HPCAL1: variants seen among roughly 807,000 people sequenced by gnomAD.
HPCAL1 encodes hippocalcin like 1.
HPCAL1 carries 8 observed loss-of-function variants against 17.1 expected under a neutral mutation model. The observed-to-expected ratio is 0.47, with a 90% CI of 0.27 to 0.84. The LOEUF (loss-of-function observed/expected upper bound fraction) is 0.84. Among genes scored for constraint, HPCAL1 ranks in the 40% least tolerant of loss-of-function variants. The pLI, the probability that HPCAL1 is intolerant of heterozygous loss-of-function variation, is 0.13. For synonymous variants in HPCAL1, 112 were observed against 111.4 expected (o/e 1.01, Z -0.03); for missense variants, 165 against 271.1 (o/e 0.61, Z 2.75).
intron 1 of HPCAL1, among the ~76,000 whole-genome samples, chr2:10,306,121 G>C (rs13414886): frequency 1.4e-4 from 22 of 152,106 alleles, no homozygotes; most frequent in Non-Finnish European, 5.9e-5. Context: ...CGGGGGCCCC[G>C]GAGTTTATTT....
chr2:10,321,031 G>A (rs1285101687), intron 1 of HPCAL1, among the ~76,000 whole-genome samples: 6 of 151,894 alleles, frequency 4.0e-5, no homozygotes, highest in Non-Finnish European at 7.4e-5. Flanking sequence ...CCTGAGACAC[G>A]GTCATTAATA....
chr2:10,374,670 G>A (rs1667432929), intron 1 of HPCAL1, among the ~76,000 whole-genome samples: 1 of 152,250 alleles, frequency 6.6e-6, no homozygotes, highest in Non-Finnish European at 1.5e-5. Flanking sequence ...TTCTGAGAAG[G>A]CTTCTTGGAA....
rs117364043 is a variant in HPCAL1 at position 10,410,547 on chromosome 2, T to C, written c.-24-9187T>C. 5.4e-5 allele frequency among the ~76,000 whole-genome samples: 8 copies of C among 149,246 alleles called. No individual in the cohort carries two copies. In the East Asian group the frequency reaches 1.6e-3, roughly 30 times the overall value. Reference sequence around the variant, plus strand: ...TGACTCATTAACTCCCTCTCCCATGTTTCCATCACCGTGAATTACAACGTC... The same window carrying C: ...TGACTCATTAACTCCCTCTCCCATGCTTCCATCACCGTGAATTACAACGTC... On this transcript the variant is annotated intron_variant, in intron 2 of 4. Coordinates refer to ENST00000307845, the MANE Select transcript of HPCAL1 (RefSeq NM_002149.4).
At chr2:10,322,718 G>C (rs1663741845) in intron 1 of HPCAL1, among the ~76,000 whole-genome samples, 1 of 152,244 alleles carries the variant, frequency 6.6e-6, no homozygotes, top group South Asian at 2.1e-4. Flanking sequence ...AAATCCATGT[G>C]CTAAAGACAG....
At chr2:10,368,638 T>C (rs6753925) in intron 1 of HPCAL1, 98,529 of 152,104 alleles carry the variant, frequency 0.65, 33,166 homozygotes, top group East Asian at 0.82. Flanking sequence ...GCTGTTGCTG[T>C]TGCCTCCCTC....
At position 10,417,460 on chromosome 2, in the gene HPCAL1, G is replaced by A. The variant is rs142731626; in HGVS notation, c.-24-2274G>A. On this transcript the variant is annotated intron_variant, in intron 2 of 4. Transcript: ENST00000307845. ...TATTCTTTCCTCATAAGCCCTTCCA[G>A]AGCACAAACACACAAGCACGTATGT... Among the ~76,000 whole-genome samples the A allele has an allele frequency of 7.9e-3, 1,203 of 152,124 alleles. 9 individuals are homozygous for A. Among genetic ancestry groups the A allele is most frequent in the Admixed American group, 0.023 (345 of 15,292 alleles).
rs58138646 is a variant in HPCAL1 at position 10,376,869 on chromosome 2, AG to A, written c.-110-19965del. On this transcript the variant is annotated intron_variant, in intron 1 of 4. Transcript: ENST00000307845. Reference sequence around the variant, plus strand: ...TTGTATTGTGTGTAGTACAATACATAGCGTATTGTATTGTGTGTAGTACAAT... The same window carrying A: ...TTGTATTGTGTGTAGTACAATACATACGTATTGTATTGTGTGTAGTACAAT... 2.2e-3 allele frequency among the ~76,000 whole-genome samples: 288 copies of A among 130,704 alleles called. 31 individuals are homozygous for A. Among genetic ancestry groups the A allele is most frequent in the African/African-American group, 6.6e-3 (196 of 29,486 alleles). 85.7% of individuals were successfully genotyped at this position (130,704 alleles called of 152,430 possible). A position where few individuals can be genotyped will look rare whatever the true frequency, so the allele number is the denominator to read the frequency against.
intron 1 of HPCAL1, among the ~76,000 whole-genome samples, chr2:10,348,506 G>A (rs1665613344): frequency 6.6e-6 from 1 of 151,972 alleles, no homozygotes; most frequent in Non-Finnish European, 1.5e-5. Flanking sequence ...GTTCACACCT[G>A]TAATCCCAGT....
chr2:10,419,988 C>T lies in HPCAL1; in HGVS notation c.231C>T (p.Asp77=), dbSNP rs1324636807. The T allele has an allele frequency of 2.5e-6, 4 of 1,614,018 alleles. No homozygotes were observed. The highest frequency in any genetic ancestry group is 2.5e-6 in the Non-Finnish European group (3 of 1,180,030). Residue 77 remains aspartate (D), a synonymous_variant, in exon 3 of 5, where the codon GAC becomes GAT. Coordinates refer to ENST00000307845, the MANE Select transcript of HPCAL1 (RefSeq NM_002149.4). The surrounding 1 kb of genome is among the most constrained non-coding windows in gnomAD (Gnocchi z 5.0). ...TCCGCACCTTCGACACCAACGGCGA[C>T]GGCACCATCGACTTCCGGGAGTTCA... ...HVFRTFDTNG[D]GTIDFREFII... is the part of the protein sequence containing the mutation.
intron 1 of HPCAL1, among the ~76,000 whole-genome samples, chr2:10,383,143 C>T (rs531374910): frequency 4.6e-5 from 7 of 152,354 alleles, no homozygotes; most frequent in African/African-American, 1.7e-4. Context: ...GAAGCTGAGG[C>T]AGGAGGACTG....
chr2:10,382,285 G>A (rs12991371), intron 1 of HPCAL1, among the ~76,000 whole-genome samples: 47,125 of 152,068 alleles, frequency 0.31, 7,832 homozygotes, highest in Non-Finnish European at 0.37. Flanking sequence ...TTAGGAGGGA[G>A]GGAGGGATGA....
At chr2:10,341,897 C>T (rs531970151) in intron 1 of HPCAL1, among the ~76,000 whole-genome samples, 8 of 152,176 alleles carry the variant, frequency 5.3e-5, no homozygotes, top group African/African-American at 9.6e-5. Context: ...CTGGCTCACA[C>T]GTGTAATCCC....
At chr2:10,312,506 C>T (rs534063104) in intron 1 of HPCAL1, among the ~76,000 whole-genome samples, 35 of 151,484 alleles carry the variant, frequency 2.3e-4, no homozygotes, top group African/African-American at 8.5e-4. Flanking sequence ...CCGTCACTAT[C>T]ATCACTGTCA....
chr2:10,376,315 T>C (rs966987266), intron 1 of HPCAL1, among the ~76,000 whole-genome samples: 1 of 152,174 alleles, frequency 6.6e-6, no homozygotes, highest in Non-Finnish European at 1.5e-5. Flanking sequence ...AAGATTTCAG[T>C]CTTGTGCTGA....
intron 3 of HPCAL1, among the ~76,000 whole-genome samples, chr2:10,420,354 T>C (rs1214038046): frequency 6.6e-6 from 1 of 151,836 alleles, no homozygotes; most frequent in Non-Finnish European, 1.5e-5. Flanking sequence ...CATGCCCTGT[T>C]AATTTTTTTG....
chr2:10,357,836 GA>G lies in HPCAL1; in HGVS notation c.-110-38987del, dbSNP rs112651247. Among the ~76,000 whole-genome samples the G allele has an allele frequency of 1.0e-3, 154 of 147,508 alleles. 4 individuals are homozygous for G. Among genetic ancestry groups the G allele is most frequent in the African/African-American group, 2.7e-3 (107 of 40,216 alleles). On this transcript the variant is annotated intron_variant, in intron 1 of 4. Coordinates refer to ENST00000307845, the MANE Select transcript of HPCAL1 (RefSeq NM_002149.4). ...AAGCAGCAGTGACTTCTTTAGGCAG[GA>G]AAAAAAAAAAAGCGTGCTATGCCAG... is the stretch of plus-strand genomic sequence containing the variant.
chr2:10,353,083 G>A (rs934423488), intron 1 of HPCAL1, among the ~76,000 whole-genome samples: 1 of 152,166 alleles, frequency 6.6e-6, no homozygotes, highest in African/African-American at 2.4e-5. Flanking sequence ...TCCTAAGCTG[G>A]CAGGCAGTCG....
intron 1 of HPCAL1, among the ~76,000 whole-genome samples, chr2:10,308,178 G>A (rs909380126): frequency 6.6e-6 from 1 of 152,106 alleles, no homozygotes; most frequent in Non-Finnish European, 1.5e-5. Context: ...AGGGGTTGGA[G>A]TTGGGGCTGG....
chr2:10,314,288 G>C (rs1459394322), intron 1 of HPCAL1, among the ~76,000 whole-genome samples: 1 of 152,016 alleles, frequency 6.6e-6, no homozygotes, highest in Non-Finnish European at 1.5e-5. Context: ...GGAGAGATTG[G>C]TGCAGGGGTG....
Sources: allele counts gnomAD v4.1 joint callset (sites outside exome capture counted in the v4.1 genomes callset), GRCh38; gene constraint gnomAD v4.1.1; non-coding constraint Gnocchi (gnomAD v3.1); transcripts MANE v1.5; gene names NCBI Gene and HGNC (gene_info 2026-07-23, HGNC 2026-07-21).